The following SEMA3C variants were observed in gnomAD, a reference collection of about 807,000 sequenced individuals.
SEMA3C encodes the protein semaphorin-3C.
A neutral mutation model predicts 89.4 loss-of-function variants in SEMA3C; 47 were observed. The ratio of observed to expected loss-of-function variants is 0.53; its 90% CI spans 0.42 to 0.67. The LOEUF (loss-of-function observed/expected upper bound fraction) is 0.67, where lower values mean the gene tolerates loss of function less well. SEMA3C is among the 30% of genes least tolerant of loss of function. The probability of loss-of-function intolerance (pLI) is 0.00; values close to 1 mark genes in which losing one functional copy is unlikely to be tolerated. For missense variants in SEMA3C, 839 were observed against 929.1 expected (o/e 0.90, Z 1.26); for synonymous variants, 310 against 320.2 (o/e 0.97, Z 0.34).
intron 13 of SEMA3C, among the ~76,000 whole-genome samples, chr7:80,764,529 T>TA (rs1788252969): frequency 6.6e-6 from 1 of 152,012 alleles, no homozygotes; most frequent in Admixed American, 6.6e-5. Context: ...CCTGACCAGG[T>TA]GAGATCTTAC....
intron 2 of SEMA3C, among the ~76,000 whole-genome samples, chr7:80,864,747 C>G (rs76060199): frequency 0.014 from 2,130 of 152,250 alleles, 20 homozygotes; most frequent in Non-Finnish European, 0.02. Context: ...CTCTCCTGAG[C>G]TATGAAATTC....
At chr7:80,877,382 C>T (rs1210420743) in intron 2 of SEMA3C, among the ~76,000 whole-genome samples, 3 of 152,148 alleles carry the variant, frequency 2.0e-5, no homozygotes, top group African/African-American at 7.2e-5. Context: ...ATTTGGAATG[C>T]TTTGCCTCGT....
intron 12 of SEMA3C, among the ~76,000 whole-genome samples, chr7:80,765,813 A>G (rs550985088): frequency 2.0e-5 from 3 of 152,230 alleles, no homozygotes; most frequent in South Asian, 2.1e-4. Context: ...TCCTGATCTC[A>G]TGATGCGCCC....
At chr7:80,838,105 G>A (rs1790176131) in intron 2 of SEMA3C, among the ~76,000 whole-genome samples, 1 of 152,058 alleles carries the variant, frequency 6.6e-6, no homozygotes. Context: ...AGAAAATCAT[G>A]GTTTACATGA....
intron 2 of SEMA3C, among the ~76,000 whole-genome samples, chr7:80,896,436 T>C (rs1396672179): frequency 6.6e-6 from 1 of 152,204 alleles, no homozygotes; most frequent in African/African-American, 2.4e-5. Context: ...ATAAACCTGC[T>C]ATCAAGAAAA....
intron 12 of SEMA3C, among the ~76,000 whole-genome samples, chr7:80,786,509 G>A (rs555468670): frequency 6.6e-6 from 1 of 152,228 alleles, no homozygotes; most frequent in South Asian, 2.1e-4. Flanking sequence ...ATGAGACACT[G>A]TGGAGAGGTA....
chr7:80,808,488 T>C (rs1789391668), intron 6 of SEMA3C, among the ~76,000 whole-genome samples: 1 of 152,204 alleles, frequency 6.6e-6, no homozygotes, highest in Non-Finnish European at 1.5e-5. Context: ...TCCTAAATGA[T>C]ATACTTTTGG....
At chr7:80,920,003 T>C (rs1792378857), upstream of SEMA3C, among the ~76,000 whole-genome samples, 1 of 152,172 alleles carries the variant, frequency 6.6e-6, no homozygotes, top group African/African-American at 2.4e-5. Flanking sequence ...CGTTGACTCA[T>C]ATCCAGTACG....
intron 8 of SEMA3C, among the ~76,000 whole-genome samples, chr7:80,803,001 C>T (rs73137740): frequency 0.038 from 5,726 of 152,172 alleles, 162 homozygotes; most frequent in Non-Finnish European, 0.057. Flanking sequence ...GCTGAAAATA[C>T]ATTTATTTGA....
chr7:80,825,632 G>A (rs543027043), intron 4 of SEMA3C, among the ~76,000 whole-genome samples: 1 of 152,196 alleles, frequency 6.6e-6, no homozygotes, highest in Non-Finnish European at 1.5e-5. Context: ...AATGTACAAA[G>A]GTACCTAAAT....
At position 80,794,266 on chromosome 7, in the gene SEMA3C, C is replaced by T. The variant is rs533863721; in HGVS notation, c.1131+3826G>A. 6.6e-5 allele frequency among the ~76,000 whole-genome samples: 10 copies of T among 152,200 alleles called. No individual in the cohort carries two copies. The East Asian group carries it at 1.7e-3, about 27-fold the overall frequency. Reference sequence around the variant, plus strand: ...TCACCCTAGGGCAAGCTCAATCTCACATTTTTTAATCCCTTTTCAAATCAG... The same window carrying T: ...TCACCCTAGGGCAAGCTCAATCTCATATTTTTTAATCCCTTTTCAAATCAG... On this transcript the variant is annotated intron_variant, in intron 11 of 17. Transcript: ENST00000265361.
At chr7:80,786,539 A>G (rs1482391873) in intron 12 of SEMA3C, among the ~76,000 whole-genome samples, 1 of 152,236 alleles carries the variant, frequency 6.6e-6, no homozygotes, top group Non-Finnish European at 1.5e-5. Context: ...ATTAACACGT[A>G]GCCTCAGGAA....
At chr7:80,819,312 T>C (rs927714172) in intron 4 of SEMA3C, among the ~76,000 whole-genome samples, 1 of 152,138 alleles carries the variant, frequency 6.6e-6, no homozygotes, top group Non-Finnish European at 1.5e-5. Flanking sequence ...ATTTCATTAT[T>C]CTTGTATTAC....
chr7:80,861,266 A>G (rs1790764451), intron 2 of SEMA3C, among the ~76,000 whole-genome samples: 1 of 152,180 alleles, frequency 6.6e-6, no homozygotes, highest in Admixed American at 6.5e-5. Context: ...GTATTTTCAC[A>G]GGGCAACAGC....
At chr7:80,920,811 G>T (rs769761599), upstream of SEMA3C, among the ~76,000 whole-genome samples, 23 of 152,258 alleles carry the variant, frequency 1.5e-4, no homozygotes, top group Non-Finnish European at 2.1e-4. Flanking sequence ...AGCACTGTGC[G>T]TGCTTCTCTG....
chr7:80,898,824 C>CAAA (rs34542451), intron 2 of SEMA3C, among the ~76,000 whole-genome samples: 1,797 of 109,516 alleles, frequency 0.016, 31 homozygotes, highest in African/African-American at 0.05. Flanking sequence ...TTTGTTTGAC[C>CAAA]AAAAAAAAAA....
intron 2 of SEMA3C, among the ~76,000 whole-genome samples, chr7:80,880,677 T>C (rs1055787988): frequency 3.9e-5 from 6 of 152,052 alleles, no homozygotes; most frequent in African/African-American, 1.4e-4. Context: ...GTAATCCCAG[T>C]ACTTTGGGAG....
chr7:80,907,169 A>C (rs990181514), intron 2 of SEMA3C, among the ~76,000 whole-genome samples: 6 of 152,160 alleles, frequency 3.9e-5, no homozygotes, highest in African/African-American at 1.4e-4. Context: ...CAATTATGTG[A>C]AACAGTGGCA....
At chr7:80,919,295 G>A, upstream of SEMA3C, 2 of 984,064 alleles carry the variant, frequency 2.0e-6, no homozygotes, top group Non-Finnish European at 2.4e-6. Context: ...CCAGACGCAA[G>A]AATGCGCGGC....
Sources: allele counts gnomAD v4.1 joint callset (sites outside exome capture counted in the v4.1 genomes callset), GRCh38; gene constraint gnomAD v4.1.1; transcripts MANE v1.5; gene names NCBI Gene and HGNC (gene_info 2026-07-23, HGNC 2026-07-21).